Variants in SLC25A21 observed in about 807,000 individuals in gnomAD.
The protein encoded by SLC25A21 is solute carrier family 25 member 21, also known as mitochondrial 2-oxodicarboxylate carrier.
Under a neutral mutation model 43.8 loss-of-function variants are expected in SLC25A21, and 47 were observed. The ratio of observed to expected loss-of-function variants is 1.07; its 90% confidence interval spans 0.85 to 1.37. SLC25A21 has a LOEUF of 1.37. Among genes scored for constraint, SLC25A21 ranks in the 40% most tolerant of loss-of-function variants. SLC25A21 has a pLI of 0.00. For synonymous variants in SLC25A21, 131 were observed against 121.3 expected, an observed-to-expected ratio of 1.08 and a Z score of -0.52; for missense variants, 352 against 350.2, an observed-to-expected ratio of 1.00 and a Z score of -0.04.
At chr14:36,809,252 TGTG>T (rs1421461888) in intron 3 of SLC25A21, 1 of 152,148 alleles carries the variant, frequency 6.6e-6, no homozygotes, top group Admixed American at 6.6e-5. Flanking sequence ...GATGAAAAGT[TGTG>T]GTGATGATGA....
At chr14:37,146,897 G>A (rs1411314210) in intron 1 of SLC25A21, among the ~76,000 whole-genome samples, 1 of 152,118 alleles carries the variant, frequency 6.6e-6, no homozygotes, top group Non-Finnish European at 1.5e-5. Context: ...TTCCAATCTA[G>A]AAATAGTTAA....
intron 2 of SLC25A21, among the ~76,000 whole-genome samples, 196 bp downstream of exon 2, chr14:36,874,760 C>A (rs1890470436): frequency 6.6e-6 from 1 of 152,218 alleles, no homozygotes; most frequent in Non-Finnish European, 1.5e-5. Context: ...TTACATACTT[C>A]AGATGACCTT....
intron 3 of SLC25A21, among the ~76,000 whole-genome samples, chr14:36,809,815 A>G (rs1249447074): frequency 6.6e-6 from 1 of 152,202 alleles, no homozygotes; most frequent in Admixed American, 6.5e-5. Context: ...CAACAGTCAA[A>G]ATTGACTAGT....
At chr14:37,046,616 A>G (rs187447338) in intron 1 of SLC25A21, among the ~76,000 whole-genome samples, 1 of 152,346 alleles carries the variant, frequency 6.6e-6, no homozygotes, top group Admixed American at 6.5e-5. Flanking sequence ...CAAAGTGTCA[A>G]CAAGATAACA....
chr14:36,693,095 G>C (rs116339848), intron 7 of SLC25A21, among the ~76,000 whole-genome samples: 1 of 152,228 alleles, frequency 6.6e-6, no homozygotes, highest in South Asian at 2.1e-4. Context: ...TGGTACCTAC[G>C]TGAAGCTCAT....
intron 2 of SLC25A21, among the ~76,000 whole-genome samples, chr14:36,817,969 AG>A (rs1190216198): frequency 6.6e-6 from 1 of 152,224 alleles, no homozygotes; most frequent in Non-Finnish European, 1.5e-5. Context: ...TTGTTCATTC[AG>A]TTAATAAGAG....
chr14:36,690,957 G>A (rs1296972299), intron 7 of SLC25A21, among the ~76,000 whole-genome samples: 1 of 152,160 alleles, frequency 6.6e-6, no homozygotes, highest in Non-Finnish European at 1.5e-5. Flanking sequence ...AAAAACTGGA[G>A]GAAGAAGATG....
intron 1 of SLC25A21, among the ~76,000 whole-genome samples, chr14:37,151,911 T>C: frequency 6.6e-6 from 1 of 152,096 alleles, no homozygotes; most frequent in Admixed American, 6.6e-5. Flanking sequence ...GGCATGTGCC[T>C]GTAATCCCAG....
At chr14:36,735,930 ATTTTTTTT>A (rs776933723) in intron 3 of SLC25A21, among the ~76,000 whole-genome samples, 7 of 84,304 alleles carry the variant, frequency 8.3e-5, no homozygotes, top group East Asian at 3.5e-4. Context: ...TCTGGCCACA[ATTTTTTTT>A]TTTTTTTTTT....
chr14:37,139,764 T>C (rs1235784457), intron 1 of SLC25A21, among the ~76,000 whole-genome samples: 3 of 152,196 alleles, frequency 2.0e-5, no homozygotes, highest in Non-Finnish European at 4.4e-5. Context: ...GACTTTATAA[T>C]CATCAAAAAG....
intron 7 of SLC25A21, among the ~76,000 whole-genome samples, chr14:36,698,856 C>T (rs1000708652): frequency 5.3e-5 from 8 of 152,224 alleles, no homozygotes; most frequent in Admixed American, 3.9e-4. Flanking sequence ...GCGATGGGTT[C>T]GAATATCCTC....
chr14:36,689,823 AAAGTCTGAGAACCACTGCTTAATT>A (rs1882718541), intron 7 of SLC25A21, among the ~76,000 whole-genome samples: 1 of 152,346 alleles, frequency 6.6e-6, no homozygotes, highest in African/African-American at 2.4e-5. Flanking sequence ...GATGGATGGT[AAAGTCTGAGAACCACTGCTTAATT>A]AAGTTGATCA....
chr14:36,804,991 C>A (rs1887988705), intron 3 of SLC25A21, among the ~76,000 whole-genome samples: 1 of 152,122 alleles, frequency 6.6e-6, no homozygotes, highest in African/African-American at 2.4e-5. Context: ...AGTGGGATAT[C>A]CCCCATTGGC....
chr14:36,912,408 TC>T (rs900877039), intron 1 of SLC25A21, among the ~76,000 whole-genome samples: 1 of 152,100 alleles, frequency 6.6e-6, no homozygotes, highest in African/African-American at 2.4e-5. Context: ...AACTTCAGGG[TC>T]CCTGTCTGCC....
At chr14:36,691,119 G>A (rs1235218310) in intron 7 of SLC25A21, among the ~76,000 whole-genome samples, 1 of 152,132 alleles carries the variant, frequency 6.6e-6, no homozygotes, top group Non-Finnish European at 1.5e-5. Flanking sequence ...TCAAAAGAGA[G>A]CTAAAGTTCT....
chr14:36,715,083 CATTCTT>C (rs1884068073), intron 6 of SLC25A21, among the ~76,000 whole-genome samples: 2 of 152,316 alleles, frequency 1.3e-5, no homozygotes, highest in African/African-American at 2.4e-5. Context: ...TTTACACACT[CATTCTT>C]ATTGTACATA....
At chr14:36,700,647 C>A (rs558534349) in intron 7 of SLC25A21, among the ~76,000 whole-genome samples, 16 of 152,186 alleles carry the variant, frequency 1.1e-4, no homozygotes, top group Non-Finnish European at 1.6e-4. Flanking sequence ...GGCTCTCACA[C>A]TCTTTTTGAA....
intron 3 of SLC25A21, among the ~76,000 whole-genome samples, chr14:36,797,444 T>C (rs712332): frequency 0.17 from 26,092 of 152,144 alleles, 2,708 homozygotes; most frequent in East Asian, 0.39. Flanking sequence ...TAATAATGAA[T>C]TTTTTAAAAA....
chr14:36,854,377 T>C (rs867127087), intron 2 of SLC25A21, among the ~76,000 whole-genome samples: 26 of 152,358 alleles, frequency 1.7e-4, no homozygotes, highest in African/African-American at 5.5e-4. Context: ...TTTCCCCAGA[T>C]GGAGCTAGGT....
Sources: gnomAD v4.1 joint callset for allele counts (sites outside exome capture counted in the v4.1 genomes callset) on GRCh38, gnomAD v4.1.1 for gene constraint, MANE v1.5 for transcripts, NCBI Gene and HGNC (gene_info 2026-07-23, HGNC 2026-07-21) for gene names.